The following AGAP3 variants were observed in gnomAD, a reference collection of about 807,000 sequenced individuals.
The protein encoded by AGAP3 is ArfGAP with GTPase domain, ankyrin repeat and PH domain 3.
In AGAP3, 24 loss-of-function variants were observed where a neutral mutation model predicts 96.9. The ratio of observed to expected loss-of-function variants is 0.25; its 90% CI spans 0.18 to 0.35. The LOEUF is 0.35. Among genes scored for constraint, AGAP3 ranks in the 10% least tolerant of loss-of-function variants. The pLI, the probability that AGAP3 is intolerant of heterozygous loss-of-function variation, is 1.00. For synonymous variants in AGAP3, 563 were observed against 536.1 expected, an observed-to-expected ratio of 1.05 and a Z score of -0.69; for missense variants, 876 against 1,254.2, an observed-to-expected ratio of 0.70 and a Z score of 4.55.
At chr7:151,116,734 T>C (rs1208960696) in intron 1 of AGAP3, 59 bp from the exon 2 acceptor site, 1 of 1,593,572 alleles carries the variant, frequency 6.3e-7, no homozygotes, top group Admixed American at 1.7e-5. Context: ...CAGGCAGCAG[T>C]GGTTGGGACA....
chr7:151,122,468 G>A (rs1361987961), intron 8 of AGAP3, among the ~76,000 whole-genome samples: 2 of 152,128 alleles, frequency 1.3e-5, no homozygotes, highest in Non-Finnish European at 2.9e-5. Context: ...TGAGGTGGAC[G>A]CTTGGCCTGT....
chr7:151,116,131 G>A (rs1304686534), intron 1 of AGAP3, among the ~76,000 whole-genome samples: 1 of 152,084 alleles, frequency 6.6e-6, no homozygotes, highest in Non-Finnish European at 1.5e-5. Flanking sequence ...CCTGGCTGTC[G>A]GAGGGCTCTG....
chr7:151,139,030 C>T lies in AGAP3; in HGVS notation c.1666+717C>T, dbSNP rs1800719939. On this transcript the variant is annotated intron_variant, in intron 12 of 17. Transcript: ENST00000397238. This position sits in a 1 kb window ranked among gnomAD's most constrained non-coding sequence, Gnocchi z 4.9. ...CCCTACTTGTTACTTTCATCATTGACCACAGATCTGAAGTTCTGAAGGCTC... is the reference window on the plus strand; with the variant it reads ...CCCTACTTGTTACTTTCATCATTGATCACAGATCTGAAGTTCTGAAGGCTC... Among the ~76,000 whole-genome samples, 1 of 152,190 alleles carries T rather than the reference C, an allele frequency of 6.6e-6. No individual in the cohort carries two copies. Among genetic ancestry groups the T allele is most frequent in the Admixed American group, 6.5e-5 (1 of 15,282 alleles).
intron 9 of AGAP3, among the ~76,000 whole-genome samples, chr7:151,127,962 T>C (rs1800245678): frequency 6.6e-6 from 1 of 152,212 alleles, no homozygotes; most frequent in South Asian, 2.1e-4. Flanking sequence ...CTTCTAGCCA[T>C]CCAGCCTCTG....
rs1390644788 is a variant in AGAP3, at chr7:151,141,853, G to A, written c.1805-45G>A. 2 of 1,612,602 alleles carry A rather than the reference G, an allele frequency of 1.2e-6. No homozygotes were observed. Among genetic ancestry groups the A allele is most frequent in the Non-Finnish European group, 1.7e-6 (2 of 1,178,672 alleles). On this transcript the variant is annotated intron_variant, in intron 13 of 17. Transcript: ENST00000397238. This position sits in a 1 kb window ranked among gnomAD's most constrained non-coding sequence, Gnocchi z 4.2. Reference sequence around the variant, plus strand: ...TGTGGCGATAGCATGCCCTGGGTGTGCACGCAGGCCAGGAGCCCTGATGGC... The same window carrying A: ...TGTGGCGATAGCATGCCCTGGGTGTACACGCAGGCCAGGAGCCCTGATGGC...
chr7:151,117,254 G>T (rs896241738), intron 3 of AGAP3, 72 bp downstream of exon 3: 21 of 1,570,194 alleles, frequency 1.3e-5, no homozygotes, highest in African/African-American at 2.7e-5. Context: ...GGGTCTGGGT[G>T]GGGGGTCTCC....
chr7:151,122,911 C>T (rs1357733995), intron 8 of AGAP3: 1 of 1,489,772 alleles, frequency 6.7e-7, no homozygotes, highest in Non-Finnish European at 8.9e-7. Context: ...CAGAGACCCA[C>T]GGGAACCTTT....
At chr7:151,097,631 C>A (rs1394234595) in intron 1 of AGAP3, among the ~76,000 whole-genome samples, 1 of 151,856 alleles carries the variant, frequency 6.6e-6, no homozygotes, top group Non-Finnish European at 1.5e-5. Context: ...CCTCAGGGAG[C>A]TTTTTACGGG....
intron 8 of AGAP3, chr7:151,123,207 CCGCGCTT>C: frequency 1.8e-6 from 2 of 1,081,944 alleles, no homozygotes; most frequent in Non-Finnish European, 2.2e-6. Context: ...GCCGCCGCCG[CCGCGCTT>C]GCCTTGCCCC....
rs1799842833 is a variant in AGAP3 at position 151,120,738 on chromosome 7, C to T, written c.1128+593C>T. The T allele has an allele frequency of 1.4e-5, 17 of 1,208,172 alleles. No homozygotes were observed. The South Asian group carries it at 1.6e-4, about 11-fold the overall frequency. The allele number at this position is 1,208,172 out of a possible 1,614,324, so 74.8% of individuals were successfully genotyped here. On this transcript the variant is annotated intron_variant, in intron 8 of 17. Transcript: ENST00000397238. ...GCTTCACCACGCTGCCTCGTTCCTC[C>T]CTCTCAGGTTTGTCCTGTCTCCTTG... is the stretch of plus-strand genomic sequence containing the variant.
intron 1 of AGAP3, chr7:151,115,237 T>TGCGCG (rs1224856120): frequency 2.0e-6 from 2 of 1,002,332 alleles, no homozygotes; most frequent in Non-Finnish European, 2.4e-6. Context: ...GCGGGCTTCC[T>TGCGCG]GCGCGGCGCG....
chr7:151,125,497 AGT>A (rs1317638522), intron 9 of AGAP3, among the ~76,000 whole-genome samples: 1 of 152,190 alleles, frequency 6.6e-6, no homozygotes, highest in Non-Finnish European at 1.5e-5. Flanking sequence ...CACAGCCCAG[AGT>A]GGTGCCGCCA....
chr7:151,102,984 C>T (rs1798895823), intron 1 of AGAP3, among the ~76,000 whole-genome samples: 1 of 152,216 alleles, frequency 6.6e-6, no homozygotes, highest in Non-Finnish European at 1.5e-5. Flanking sequence ...TGGGAGGCTG[C>T]TGCAGTTAGA....
intron 1 of AGAP3, among the ~76,000 whole-genome samples, chr7:151,107,042 G>A (rs574382825): frequency 1.3e-5 from 2 of 150,356 alleles, no homozygotes; most frequent in Non-Finnish European, 3.0e-5. Flanking sequence ...GGGCGTGGTG[G>A]CTCACGCCTG....
Position 151,123,904 on chromosome 7 carries a change from C to G in AGAP3, c.1221+18C>G, listed in dbSNP as rs747007463. 6.2e-7 allele frequency: 1 copy of G among 1,600,624 alleles called. No individual in the cohort carries two copies. The highest frequency in any genetic ancestry group is 8.5e-7 in the Non-Finnish European group (1 of 1,178,522). On this transcript the variant is annotated intron_variant, in intron 9 of 17. Coordinates refer to ENST00000397238, the MANE Select transcript of AGAP3 (RefSeq NM_031946.7). ...TCAAGCAGGTCAGCGCCTCCCTTCC[C>G]GTGTGCTCCAGGGCTCAGAATGAGG...
intron 1 of AGAP3, among the ~76,000 whole-genome samples, chr7:151,104,620 G>C (rs1798967680): frequency 6.6e-6 from 1 of 152,232 alleles, no homozygotes; most frequent in Non-Finnish European, 1.5e-5. Context: ...TGGTTCCCCG[G>C]TTGGAAGAGC....
rs1800932973 is a variant in AGAP3 at position 151,144,188 on chromosome 7, G to C, written c.*245G>C. On this transcript the variant is annotated 3_prime_UTR_variant, in exon 18 of 18. Transcript: ENST00000397238. ...CATTGAAAAGGGACAGGACCCTTCG[G>C]AGGTGCCTGTGAGGAGAGGGGAGCA... 9 of 539,958 alleles carry C rather than the reference G, an allele frequency of 1.7e-5. No homozygotes were observed. The highest frequency in any genetic ancestry group is 9.8e-6 in the Non-Finnish European group (3 of 304,774). 33.4% of individuals were successfully genotyped at this position (539,958 alleles called of 1,614,324 possible). A position where few individuals can be genotyped will look rare whatever the true frequency, so the allele number is the denominator to read the frequency against.
At chr7:151,136,021 C>T (rs1221895197) in intron 11 of AGAP3, among the ~76,000 whole-genome samples, 1 of 152,186 alleles carries the variant, frequency 6.6e-6, no homozygotes, top group African/African-American at 2.4e-5. Flanking sequence ...GGGGCTGTGC[C>T]AGTGGGGGAC....
intron 1 of AGAP3, chr7:151,116,303 C>T (rs1280270718): frequency 6.4e-6 from 1 of 157,418 alleles, no homozygotes; most frequent in Non-Finnish European, 1.4e-5. Context: ...GGCCAGGCTC[C>T]TCCCTCTTCA....
Sources: allele counts gnomAD v4.1 joint callset (sites outside exome capture counted in the v4.1 genomes callset), GRCh38; gene constraint gnomAD v4.1.1; non-coding constraint Gnocchi (gnomAD v3.1); transcripts MANE v1.5; gene names NCBI Gene and HGNC (gene_info 2026-07-23, HGNC 2026-07-21).